The following C3orf22 variants were observed in gnomAD, a reference collection of about 807,000 sequenced individuals.
C3orf22 encodes the protein uncharacterized protein C3orf22.
In C3orf22, 7 loss-of-function variants were observed where a neutral mutation model predicts 10.8. That is an observed-to-expected ratio of 0.65 (90% CI 0.37 to 1.22). The LOEUF (loss-of-function observed/expected upper bound fraction) is 1.22. Among genes scored for constraint, C3orf22 ranks in the 50% most tolerant of loss-of-function variants. The pLI is 0.02. For synonymous variants in C3orf22, 79 were observed against 78.9 expected, an observed-to-expected ratio of 1.00 and a Z score of 0.00; for missense variants, 173 against 177.0, an observed-to-expected ratio of 0.98 and a Z score of 0.13.
intron 4 of C3orf22, chr3:126,543,105 G>T (rs1252984415): frequency 6.6e-6 from 1 of 152,282 alleles, no homozygotes; most frequent in Admixed American, 6.5e-5. Flanking sequence ...CTGCCATCGG[G>T]TCTCCTCTCC....
At chr3:126,548,067 T>C (rs552844536), downstream of C3orf22, among the ~76,000 whole-genome samples, 3 of 152,342 alleles carry the variant, frequency 2.0e-5, no homozygotes, top group South Asian at 6.2e-4. Context: ...CGATCTCAGC[T>C]CACTGCAACC....
At chr3:126,534,620 C>T (rs1350445024) in intron 4 of C3orf22, among the ~76,000 whole-genome samples, 1 of 151,614 alleles carries the variant, frequency 6.6e-6, no homozygotes, top group Non-Finnish European at 1.5e-5. Context: ...GACAGACACA[C>T]AGACAGCATC....
intron 4 of C3orf22, chr3:126,543,179 C>G (rs937398729): frequency 2.0e-5 from 3 of 152,422 alleles, no homozygotes; most frequent in Middle Eastern, 3.4e-3. Flanking sequence ...GACGCTGGGT[C>G]TTCAGGCTCC....
chr3:126,543,249 G>C (rs1054097), intron 4 of C3orf22: 8,343 of 152,318 alleles, frequency 0.055, 272 homozygotes, highest in South Asian at 0.14. Context: ...TGGTGAGCTG[G>C]GCGGTCATGG....
At chr3:126,536,618 G>A (rs913815420) in intron 4 of C3orf22, among the ~76,000 whole-genome samples, 22 of 152,046 alleles carry the variant, frequency 1.4e-4, no homozygotes, top group Admixed American at 8.5e-4. Flanking sequence ...AGATAAAAAA[G>A]AGTCAAAACA....
chr3:126,548,444 T>C (rs72971111), downstream of C3orf22, among the ~76,000 whole-genome samples: 1 of 152,198 alleles, frequency 6.6e-6, no homozygotes, highest in Non-Finnish European at 1.5e-5. Flanking sequence ...ATGGTAAACA[T>C]GCGTTGCTGT....
At chr3:126,546,714 T>C (rs1398008231), downstream of C3orf22, among the ~76,000 whole-genome samples, 1 of 151,966 alleles carries the variant, frequency 6.6e-6, no homozygotes, top group Admixed American at 6.6e-5. Flanking sequence ...ATTGTTTAAC[T>C]CCCCCCAGCC....
At chr3:126,557,582 T>C (rs1396358055) in intron 1 of C3orf22, among the ~76,000 whole-genome samples, 1 of 152,180 alleles carries the variant, frequency 6.6e-6, no homozygotes, top group East Asian at 1.9e-4. Flanking sequence ...GGCGGGAGGC[T>C]GCACACTGGA....
chr3:126,558,897 C>T lies in C3orf22; in HGVS notation c.-311G>A, dbSNP rs1039089410. The T allele has an allele frequency of 2.6e-5, 4 of 152,358 alleles. No homozygotes were observed. Among genetic ancestry groups the T allele is most frequent in the African/African-American group, 4.8e-5 (2 of 41,472 alleles). 9.4% of individuals were successfully genotyped at this position (152,358 alleles called of 1,614,324 possible). On this transcript the variant is annotated 5_prime_UTR_variant, in exon 1 of 4. It adds an upstream start codon to the 5' untranslated region. Coordinates refer to ENST00000318225, the MANE Select transcript of C3orf22 (RefSeq NM_152533.3). The stretch of plus-strand genomic sequence containing the variant: ...CATGGTCCCAGCTGCCACATTACCA[C>T]AGGAACAGCAGCCCCAGGGTCCCCG...
At chr3:126,537,754 A>G (rs1297170001) in intron 4 of C3orf22, among the ~76,000 whole-genome samples, 1 of 148,218 alleles carries the variant, frequency 6.7e-6, no homozygotes, top group Non-Finnish European at 1.5e-5. Flanking sequence ...TGGAGAAATA[A>G]CATAGTAAAA....
At chr3:126,542,230 G>A in intron 4 of C3orf22, 1 of 1,508,562 alleles carries the variant, frequency 6.6e-7, no homozygotes, top group Non-Finnish European at 8.8e-7. Flanking sequence ...TGCGCTTCGC[G>A]GAGTTCCTGG....
chr3:126,555,999 C>G (rs1937319901), intron 1 of C3orf22, among the ~76,000 whole-genome samples: 1 of 152,238 alleles, frequency 6.6e-6, no homozygotes, highest in Non-Finnish European at 1.5e-5. Context: ...CCTGCCAGCC[C>G]CTCCACACCA....
At chr3:126,539,210 G>C (rs1330433083) in intron 4 of C3orf22, among the ~76,000 whole-genome samples, 1 of 152,160 alleles carries the variant, frequency 6.6e-6, no homozygotes, top group Non-Finnish European at 1.5e-5. Flanking sequence ...TGCGAAGCCA[G>C]TCCCAGCCTT....
intron 4 of C3orf22, chr3:126,541,765 G>A: frequency 1.3e-6 from 2 of 1,511,844 alleles, no homozygotes; most frequent in South Asian, 2.5e-5. Flanking sequence ...AGGTGCACCG[G>A]CAGCGGCGCG....
chr3:126,553,114 G>A (rs757990824), intron 2 of C3orf22, among the ~76,000 whole-genome samples, 188 bp downstream of exon 2: 5 of 152,180 alleles, frequency 3.3e-5, no homozygotes, highest in African/African-American at 9.7e-5. Flanking sequence ...GAGGCCCCTC[G>A]GCTTAGGCTG....
intron 4 of C3orf22, among the ~76,000 whole-genome samples, chr3:126,535,653 C>T (rs2107567776): frequency 6.6e-6 from 1 of 152,340 alleles, no homozygotes; most frequent in East Asian, 1.9e-4. Context: ...GCATCACTGT[C>T]CTCAGCTGGA....
At chr3:126,529,679 C>T (rs1259927685) in intron 4 of C3orf22, among the ~76,000 whole-genome samples, 1 of 152,162 alleles carries the variant, frequency 6.6e-6, no homozygotes, top group African/African-American at 2.4e-5. Context: ...CCTTCTCTTT[C>T]TCCCAGCCTC....
At chr3:126,556,230 A>G (rs1485194183) in intron 1 of C3orf22, among the ~76,000 whole-genome samples, 1 of 152,134 alleles carries the variant, frequency 6.6e-6, no homozygotes, top group Non-Finnish European at 1.5e-5. Flanking sequence ...CCGGCTGCAG[A>G]GATGCACTAG....
At chr3:126,532,018 G>A (rs1428947736) in intron 4 of C3orf22, among the ~76,000 whole-genome samples, 1 of 152,120 alleles carries the variant, frequency 6.6e-6, no homozygotes, top group African/African-American at 2.4e-5. Flanking sequence ...TTCACTAATG[G>A]CTAGTGATGT....
Sources: gnomAD v4.1 joint callset for allele counts (sites outside exome capture counted in the v4.1 genomes callset) on GRCh38, gnomAD v4.1.1 for gene constraint, MANE v1.5 for transcripts, NCBI Gene and HGNC (gene_info 2026-07-23, HGNC 2026-07-21) for gene names.